The following LRP1B variants were observed in gnomAD, a reference collection of about 807,000 sequenced individuals.
The protein encoded by LRP1B is LDL receptor related protein 1B.
In LRP1B, 217 loss-of-function variants were observed where a neutral mutation model predicts 556.6. The observed-to-expected ratio is 0.39, with a 90% confidence interval of 0.35 to 0.44. The LOEUF (loss-of-function observed/expected upper bound fraction) is 0.44, where lower values mean the gene tolerates loss of function less well. Ranked by LOEUF, LRP1B falls within the 20% of genes least tolerant of loss-of-function variation. LRP1B has a pLI of 1.00. For missense variants in LRP1B, 5,053 were observed against 5,620.8 expected, an observed-to-expected ratio of 0.90 and a Z score of 3.23; for synonymous variants, 2,047 against 1,865.8, an observed-to-expected ratio of 1.10 and a Z score of -2.50.
At chr2:141,706,569 T>G (rs990813312) in intron 2 of LRP1B, among the ~76,000 whole-genome samples, 1 of 152,068 alleles carries the variant, frequency 6.6e-6, no homozygotes, top group African/African-American at 2.4e-5. Context: ...GAAAATCAAT[T>G]AAATCATGTT....
At chr2:141,888,246 T>A (rs970213179) in intron 1 of LRP1B, among the ~76,000 whole-genome samples, 5 of 152,216 alleles carry the variant, frequency 3.3e-5, no homozygotes, top group Non-Finnish European at 5.9e-5. Flanking sequence ...AGTATTGTAT[T>A]GCTATTTCCC....
chr2:141,507,658 A>G (rs558010514), intron 2 of LRP1B, among the ~76,000 whole-genome samples: 1 of 152,276 alleles, frequency 6.6e-6, no homozygotes, highest in Admixed American at 6.5e-5. Context: ...ACTCATATAA[A>G]TATATTTAGA....
intron 60 of LRP1B, among the ~76,000 whole-genome samples, chr2:140,466,906 A>G (rs2105336496): frequency 6.6e-6 from 1 of 152,340 alleles, no homozygotes; most frequent in Non-Finnish European, 1.5e-5. Flanking sequence ...TCAATGGCAC[A>G]AGCAACCAAA....
intron 3 of LRP1B, among the ~76,000 whole-genome samples, chr2:141,283,939 C>A (rs1479805218): frequency 6.6e-6 from 1 of 151,978 alleles, no homozygotes; most frequent in South Asian, 2.1e-4. Context: ...TGAGCTTTTG[C>A]TGTTTGCTTA....
chr2:140,742,586 A>T (rs1439547566), intron 35 of LRP1B, among the ~76,000 whole-genome samples: 1 of 152,000 alleles, frequency 6.6e-6, no homozygotes, highest in Non-Finnish European at 1.5e-5. Context: ...AAACAGAATT[A>T]TATTTTTTTA....
chr2:141,422,190 G>A (rs1490695105), intron 3 of LRP1B, among the ~76,000 whole-genome samples: 1 of 152,076 alleles, frequency 6.6e-6, no homozygotes, highest in Non-Finnish European at 1.5e-5. Context: ...CAAATGAGTT[G>A]GGCATACACC....
chr2:141,701,572 C>T (rs1047254849), intron 2 of LRP1B, among the ~76,000 whole-genome samples: 3 of 151,856 alleles, frequency 2.0e-5, no homozygotes, highest in Non-Finnish European at 4.4e-5. Flanking sequence ...AAGGTTACTG[C>T]TACCCCCAAG....
chr2:142,073,929 T>C (rs1363093445), intron 1 of LRP1B, among the ~76,000 whole-genome samples: 1 of 152,048 alleles, frequency 6.6e-6, no homozygotes, highest in Non-Finnish European at 1.5e-5. Context: ...GTCAAGCAGA[T>C]GCTGCCATGC....
intron 83 of LRP1B, among the ~76,000 whole-genome samples, chr2:140,305,906 A>T (rs1387620853): frequency 6.6e-6 from 1 of 151,902 alleles, no homozygotes; most frequent in Admixed American, 6.6e-5. Flanking sequence ...ATCTATTGAG[A>T]TAACCATGTG....
At chr2:140,629,849 A>T (rs1258014527) in intron 41 of LRP1B, among the ~76,000 whole-genome samples, 1 of 152,212 alleles carries the variant, frequency 6.6e-6, no homozygotes, top group Non-Finnish European at 1.5e-5. Flanking sequence ...TTTTTACATG[A>T]CAAAAATTCA....
intron 2 of LRP1B, among the ~76,000 whole-genome samples, chr2:141,536,056 G>A (rs1490781429): frequency 6.6e-6 from 1 of 151,990 alleles, no homozygotes; most frequent in Non-Finnish European, 1.5e-5. Flanking sequence ...AAAATTCAGT[G>A]TAATCAGACT....
At chr2:140,522,747 C>T (rs1203430754) in intron 49 of LRP1B, among the ~76,000 whole-genome samples, 3 of 151,590 alleles carry the variant, frequency 2.0e-5, no homozygotes, top group Admixed American at 1.3e-4. Flanking sequence ...CAACTGATCC[C>T]ACAAAATATC....
intron 79 of LRP1B, among the ~76,000 whole-genome samples, chr2:140,330,663 G>C (rs951387647): frequency 6.6e-6 from 1 of 151,550 alleles, no homozygotes; most frequent in African/African-American, 2.4e-5. Flanking sequence ...ATAGGCAAAG[G>C]CAACGATTTC....
intron 60 of LRP1B, among the ~76,000 whole-genome samples, chr2:140,457,966 A>ATG (rs145083660): frequency 0.014 from 2,143 of 151,562 alleles, 44 homozygotes; most frequent in African/African-American, 0.047. Flanking sequence ...TGATATATTT[A>ATG]TGTGTGTGTG....
At position 140,291,318 on chromosome 2, in the gene LRP1B, A is replaced by ATTTTT. The variant is rs1553440648; in HGVS notation, c.12967+6485_12967+6489dup. Among the ~76,000 whole-genome samples the ATTTTT allele has an allele frequency of 2.7e-4, 30 of 109,322 alleles. 1 individual carries two copies. The highest frequency in any genetic ancestry group is 5.6e-4 in the African/African-American group (19 of 33,814). The allele number at this position is 109,322 out of a possible 152,430, so 71.7% of individuals were successfully genotyped here. ...TTATTTTATATATATATATATATAT[A>ATTTTT]TTTTTATTATACTTTAAGTTCTAGG... On this transcript the variant is annotated intron_variant, in intron 84 of 90. Coordinates refer to ENST00000389484, the MANE Select transcript of LRP1B (RefSeq NM_018557.3).
At chr2:141,578,041 G>A (rs1686816826) in intron 2 of LRP1B, among the ~76,000 whole-genome samples, 1 of 152,150 alleles carries the variant, frequency 6.6e-6, no homozygotes, top group Non-Finnish European at 1.5e-5. Flanking sequence ...TTTTCCTGGT[G>A]ATAATTGCAT....
chr2:140,532,223 T>C (rs999960233), intron 47 of LRP1B, among the ~76,000 whole-genome samples: 4 of 152,146 alleles, frequency 2.6e-5, no homozygotes, highest in Non-Finnish European at 4.4e-5. Context: ...AATCCTATTC[T>C]TTTCATTCCT....
In LRP1B at chr2:140,450,498, A is replaced by G. The variant is rs940634943; in HGVS notation, c.10057+70T>C. 68 of 1,171,630 alleles carry G rather than the reference A, an allele frequency of 5.8e-5. No individual in the cohort carries two copies. In the Middle Eastern group the frequency reaches 7.7e-4, roughly 13 times the overall value. 72.6% of individuals were successfully genotyped at this position (1,171,630 alleles called of 1,614,324 possible). On this transcript the variant is annotated intron_variant, in intron 63 of 90. Coordinates refer to ENST00000389484, the MANE Select transcript of LRP1B (RefSeq NM_018557.3). ...TCAGAAGGCAATACTTTAGGTGTAG[A>G]TTCAATTTTCCAGGTCTGGGATATA... is the stretch of plus-strand genomic sequence containing the variant.
intron 3 of LRP1B, among the ~76,000 whole-genome samples, chr2:141,277,482 T>C (rs1320548009): frequency 6.6e-6 from 1 of 152,228 alleles, no homozygotes; most frequent in Non-Finnish European, 1.5e-5. Flanking sequence ...TCACTTTTTC[T>C]TGCCTTCAGT....
Sources: allele counts gnomAD v4.1 joint callset (sites outside exome capture counted in the v4.1 genomes callset), GRCh38; gene constraint gnomAD v4.1.1; transcripts MANE v1.5; gene names NCBI Gene and HGNC (gene_info 2026-07-23, HGNC 2026-07-21).